CADPS2: variants seen among roughly 807,000 people sequenced by gnomAD.
CADPS2 encodes calcium dependent secretion activator 2, also known as calcium-dependent secretion activator 2.
Under a neutral mutation model 172.5 loss-of-function variants are expected in CADPS2, and 93 were observed. The observed-to-expected ratio is 0.54, with a 90% CI of 0.46 to 0.64. The LOEUF (loss-of-function observed/expected upper bound fraction) is 0.64, where lower values mean the gene tolerates loss of function less well. Among genes scored for constraint, CADPS2 ranks in the 30% least tolerant of loss-of-function variants. CADPS2 has a pLI of 0.00. For synonymous variants in CADPS2, 546 were observed against 555.2 expected (o/e 0.98, Z 0.23); for missense variants, 1,420 against 1,565.9 (o/e 0.91, Z 1.57).
chr7:122,506,416 T>C (rs151296043), intron 9 of CADPS2, among the ~76,000 whole-genome samples: 3 of 152,312 alleles, frequency 2.0e-5, no homozygotes, highest in Admixed American at 6.5e-5. Context: ...GGTTTCAGCA[T>C]CACTGCTTTT....
rs367565266 is a variant in CADPS2, at chr7:122,621,466, G to A, written c.1104+15C>T. ...TTTATGCTGTCAGAGGTGAGCATGA[G>A]ATAAAGCTACTTACCTCTAAGGTGA... On this transcript the variant is annotated intron_variant, in intron 5 of 29. Transcript: ENST00000449022. 4.3e-5 allele frequency: 66 copies of A among 1,533,038 alleles called. No homozygotes were observed. The highest frequency in any genetic ancestry group is 6.3e-6 in the Non-Finnish European group (7 of 1,109,368). 95.0% of individuals were successfully genotyped at this position (1,533,038 alleles called of 1,614,324 possible). A position where few individuals can be genotyped will look rare whatever the true frequency, so the allele number is the denominator to read the frequency against.
At chr7:122,787,274 G>A (rs1794267868) in intron 1 of CADPS2, among the ~76,000 whole-genome samples, 2 of 152,086 alleles carry the variant, frequency 1.3e-5, no homozygotes, top group Admixed American at 6.6e-5. Flanking sequence ...TGTGTTTTAT[G>A]TCATTTGACA....
At chr7:122,773,989 G>T (rs749749958) in intron 1 of CADPS2, among the ~76,000 whole-genome samples, 1 of 151,634 alleles carries the variant, frequency 6.6e-6, no homozygotes, top group Non-Finnish European at 1.5e-5. Flanking sequence ...TATATTATAG[G>T]TCAAAGTTTT....
At chr7:122,455,269 C>T (rs937907853) in intron 14 of CADPS2, among the ~76,000 whole-genome samples, 1 of 152,134 alleles carries the variant, frequency 6.6e-6, no homozygotes, top group Non-Finnish European at 1.5e-5. Flanking sequence ...TGCACACATG[C>T]ACACCTGGCT....
intron 2 of CADPS2, among the ~76,000 whole-genome samples, chr7:122,732,564 G>GAATAT (rs978116867): frequency 6.7e-6 from 1 of 148,274 alleles, no homozygotes; most frequent in Non-Finnish European, 1.5e-5. Context: ...TATTGTTGAA[G>GAATAT]AATATAATAT....
At chr7:122,872,941 T>A (rs1300939573) in intron 1 of CADPS2, among the ~76,000 whole-genome samples, 3 of 152,082 alleles carry the variant, frequency 2.0e-5, no homozygotes, top group Non-Finnish European at 4.4e-5. Flanking sequence ...ACATGTGTCC[T>A]GCCCTTTGAA....
intron 8 of CADPS2, among the ~76,000 whole-genome samples, chr7:122,528,193 T>C (rs6959051): frequency 0.61 from 91,380 of 150,816 alleles, 28,073 homozygotes; most frequent in African/African-American, 0.71. Flanking sequence ...ACTTAACTTG[T>C]TTGAAGGACT....
chr7:122,525,509 A>G lies in CADPS2; in HGVS notation c.1476-12194T>C, dbSNP rs78853506. Among the ~76,000 whole-genome samples the G allele has an allele frequency of 5.3e-5, 8 of 152,226 alleles. No individual in the cohort carries two copies. In the East Asian group the frequency reaches 1.4e-3, roughly 26 times the overall value. ...TTCTGATTCAAGGCTGGAGGAACTGAGCAGTAAGATACGCTTGCTGTTAAT... is the reference window on the plus strand; with the variant it reads ...TTCTGATTCAAGGCTGGAGGAACTGGGCAGTAAGATACGCTTGCTGTTAAT... On this transcript the variant is annotated intron_variant, in intron 8 of 29. Coordinates refer to ENST00000449022, the MANE Select transcript of CADPS2 (RefSeq NM_017954.11).
chr7:122,860,753 C>A (rs924444018), intron 1 of CADPS2, among the ~76,000 whole-genome samples: 1 of 152,090 alleles, frequency 6.6e-6, no homozygotes, highest in Admixed American at 6.6e-5. Context: ...CTTTTCCCAG[C>A]CCTTGGTAAC....
At chr7:122,638,317 C>T (rs189856503) in intron 3 of CADPS2, among the ~76,000 whole-genome samples, 11 of 152,228 alleles carry the variant, frequency 7.2e-5, no homozygotes, top group East Asian at 1.9e-4. Flanking sequence ...AGAGGGAGGG[C>T]GTCCTCCCCA....
chr7:122,861,395 A>G (rs534333170), intron 1 of CADPS2, among the ~76,000 whole-genome samples: 2 of 152,272 alleles, frequency 1.3e-5, no homozygotes, highest in East Asian at 3.9e-4. Context: ...GACCATTTGT[A>G]TATCTTCTTT....
Position 122,762,275 on chromosome 7 carries a change from C to A in CADPS2, c.340-25207G>T, listed in dbSNP as rs557531948. Among the ~76,000 whole-genome samples, 50 of 152,048 alleles carry A rather than the reference C, an allele frequency of 3.3e-4. No homozygotes were observed. In the South Asian group the frequency reaches 7.9e-3, roughly 24 times the overall value. The stretch of plus-strand genomic sequence containing the variant: ...GAGAACAAGCTGGGCGGCAGTCCAA[C>A]AGCAGATTCAGTGGAATTCCAGAAA... On this transcript the variant is annotated intron_variant, in intron 1 of 29. Coordinates refer to ENST00000449022, the MANE Select transcript of CADPS2 (RefSeq NM_017954.11).
chr7:122,731,243 T>A (rs10229286), intron 2 of CADPS2, among the ~76,000 whole-genome samples: 133,174 of 149,668 alleles, frequency 0.89, 59,582 homozygotes, highest in East Asian at 0.99. Context: ...AAGTCACAAA[T>A]TTTTTTTTTT....
intron 20 of CADPS2, among the ~76,000 whole-genome samples, 181 bp from the exon 21 acceptor site, chr7:122,393,763 T>C (rs894512459): frequency 2.0e-5 from 3 of 152,148 alleles, no homozygotes; most frequent in Admixed American, 1.3e-4. Context: ...TCAAAAAGTA[T>C]AATTAGCCTT....
chr7:122,320,429 G>A, intron 29 of CADPS2, 91 bp from the exon 30 acceptor site: 1 of 1,016,090 alleles, frequency 9.8e-7, no homozygotes, highest in Non-Finnish European at 1.4e-6. Flanking sequence ...AAATGATCTT[G>A]GGGAATCCAC....
At chr7:122,345,275 A>G (rs1318979238) in intron 28 of CADPS2, among the ~76,000 whole-genome samples, 2 of 151,996 alleles carry the variant, frequency 1.3e-5, no homozygotes, top group African/African-American at 4.8e-5. Flanking sequence ...ACAGGCATCT[A>G]CCACTACACC....
intron 8 of CADPS2, among the ~76,000 whole-genome samples, chr7:122,547,166 C>T (rs993072487): frequency 6.6e-6 from 1 of 151,714 alleles, no homozygotes; most frequent in Non-Finnish European, 1.5e-5. Context: ...TATACTCTAC[C>T]CACAAGAAAT....
At chr7:122,673,132 G>T (rs551798954) in intron 2 of CADPS2, among the ~76,000 whole-genome samples, 1 of 152,312 alleles carries the variant, frequency 6.6e-6, no homozygotes, top group East Asian at 1.9e-4. Flanking sequence ...GCAGACCTTC[G>T]CTGTGAGTGT....
chr7:122,672,005 C>A (rs2081920894), intron 2 of CADPS2, among the ~76,000 whole-genome samples: 1 of 152,240 alleles, frequency 6.6e-6, no homozygotes, highest in South Asian at 2.1e-4. Flanking sequence ...AAGGATATCA[C>A]AGGGAAGGAA....
Sources: allele counts gnomAD v4.1 joint callset (sites outside exome capture counted in the v4.1 genomes callset), GRCh38; gene constraint gnomAD v4.1.1; transcripts MANE v1.5; gene names NCBI Gene and HGNC (gene_info 2026-07-23, HGNC 2026-07-21).